OTUD7A: variants seen among roughly 807,000 people sequenced by gnomAD.
The protein encoded by OTUD7A is OTU deubiquitinase 7A, also known as OTU domain-containing protein 7A.
A neutral mutation model predicts 65.7 loss-of-function variants in OTUD7A; 12 were observed. The ratio of observed to expected loss-of-function variants is 0.18; its 90% CI spans 0.12 to 0.30. The LOEUF (loss-of-function observed/expected upper bound fraction) is 0.30. Ranked by LOEUF, OTUD7A falls within the 10% of genes least tolerant of loss-of-function variation. The pLI, the probability that OTUD7A is intolerant of heterozygous loss-of-function variation, is 1.00. For synonymous variants in OTUD7A, 641 were observed against 586.3 expected, an observed-to-expected ratio of 1.09 and a Z score of -1.35; for missense variants, 1,148 against 1,304.8, an observed-to-expected ratio of 0.88 and a Z score of 1.85.
At chr15:31,574,062 T>C (rs932728295) in intron 3 of OTUD7A, among the ~76,000 whole-genome samples, 3 of 152,064 alleles carry the variant, frequency 2.0e-5, no homozygotes, top group Non-Finnish European at 2.9e-5. Context: ...AGGAAGAAGA[T>C]AGAAGCTTGT....
intron 3 of OTUD7A, among the ~76,000 whole-genome samples, chr15:31,571,113 T>G (rs1889041401): frequency 6.6e-6 from 1 of 152,166 alleles, no homozygotes; most frequent in Non-Finnish European, 1.5e-5. Context: ...CATTATACAT[T>G]GTAGGCTGGT....
intron 5 of OTUD7A, among the ~76,000 whole-genome samples, chr15:31,548,302 C>T (rs549954131): frequency 1.9e-4 from 29 of 152,158 alleles, no homozygotes; most frequent in Non-Finnish European, 4.1e-4. Flanking sequence ...AATTGTGTAA[C>T]TCGGCTGCTG....
chr15:31,743,303 A>C (rs1440864052), intron 1 of OTUD7A, among the ~76,000 whole-genome samples: 2 of 152,208 alleles, frequency 1.3e-5, no homozygotes, highest in Non-Finnish European at 2.9e-5. Flanking sequence ...GAAAAATGAG[A>C]TATGTAAAAA....
At chr15:31,566,733 G>A (rs77159776) in intron 4 of OTUD7A, among the ~76,000 whole-genome samples, 1,693 of 152,240 alleles carry the variant, frequency 0.011, 39 homozygotes, top group African/African-American at 0.039. Flanking sequence ...CAGTTCACAC[G>A]CAATCTGGTC....
chr15:31,576,489 C>G (rs1278173466), intron 3 of OTUD7A, among the ~76,000 whole-genome samples: 1 of 152,174 alleles, frequency 6.6e-6, no homozygotes, highest in Non-Finnish European at 1.5e-5. Context: ...CTCTTATCTA[C>G]CTATGACCTG....
At chr15:31,640,524 ATGAG>A (rs1207349885) in intron 3 of OTUD7A, among the ~76,000 whole-genome samples, 1 of 152,234 alleles carries the variant, frequency 6.6e-6, no homozygotes, top group Non-Finnish European at 1.5e-5. Flanking sequence ...ATTTTTGCAT[ATGAG>A]TGAGATGTAA....
At chr15:31,622,034 G>T (rs1245389818) in intron 3 of OTUD7A, among the ~76,000 whole-genome samples, 2 of 152,092 alleles carry the variant, frequency 1.3e-5, no homozygotes, top group Non-Finnish European at 2.9e-5. Context: ...GCTTAGTTTG[G>T]CTGGATATGA....
chr15:31,752,005 A>G (rs139960348), intron 1 of OTUD7A, among the ~76,000 whole-genome samples: 20 of 152,260 alleles, frequency 1.3e-4, no homozygotes, highest in African/African-American at 4.6e-4. Flanking sequence ...CACACAATAT[A>G]CCCTTGTAAC....
At chr15:31,572,545 T>C (rs1271450146) in intron 3 of OTUD7A, among the ~76,000 whole-genome samples, 1 of 152,258 alleles carries the variant, frequency 6.6e-6, no homozygotes, top group Non-Finnish European at 1.5e-5. Context: ...TCATTTGATT[T>C]TTTTTCATTG....
At chr15:31,681,660 T>C (rs569760267) in intron 1 of OTUD7A, among the ~76,000 whole-genome samples, 13 of 152,108 alleles carry the variant, frequency 8.5e-5, no homozygotes, top group Admixed American at 7.8e-4. Context: ...TAATAATGAC[T>C]GTCTAATTTC....
intron 1 of OTUD7A, among the ~76,000 whole-genome samples, chr15:31,838,365 C>G (rs1029338058): frequency 3.3e-5 from 5 of 152,176 alleles, no homozygotes; most frequent in Non-Finnish European, 5.9e-5. Flanking sequence ...TCTACCTCAA[C>G]CACTAGCACT....
intron 1 of OTUD7A, chr15:31,766,358 T>A (rs1291153925): frequency 6.3e-7 from 1 of 1,592,578 alleles, no homozygotes; most frequent in African/African-American, 1.3e-5. Context: ...GTGGGGGAAA[T>A]AACAAACAAC....
Position 31,795,869 on chromosome 15 carries a change from C to T in OTUD7A, c.-100+74638G>A, listed in dbSNP as rs533118570. ...ATCCCTGTAGGGCAAAGAAAGACAGCACAGGAATGTAGTCACACACACCAC... is the reference window on the plus strand; with the variant it reads ...ATCCCTGTAGGGCAAAGAAAGACAGTACAGGAATGTAGTCACACACACCAC... On this transcript the variant is annotated intron_variant, in intron 1 of 12. Coordinates refer to ENST00000307050, the MANE Select transcript of OTUD7A (RefSeq NM_001382637.1). Among the ~76,000 whole-genome samples, 8 of 152,270 alleles carry T rather than the reference C, an allele frequency of 5.3e-5. 1 individual carries two copies. In the South Asian group the frequency reaches 1.0e-3, roughly 20 times the overall value.
At chr15:31,804,403 C>A (rs1896214656) in intron 1 of OTUD7A, among the ~76,000 whole-genome samples, 1 of 152,098 alleles carries the variant, frequency 6.6e-6, no homozygotes, top group African/African-American at 2.4e-5. Flanking sequence ...TTAAAGGGAC[C>A]CAGGAACCTC....
At chr15:31,667,781 T>C (rs1169676050) in intron 1 of OTUD7A, among the ~76,000 whole-genome samples, 4 of 152,306 alleles carry the variant, frequency 2.6e-5, no homozygotes, top group African/African-American at 4.8e-5. Context: ...TTTGTTTTGA[T>C]ATGTTTCTAG....
At chr15:31,617,932 G>A (rs59060191) in intron 3 of OTUD7A, among the ~76,000 whole-genome samples, 2 of 146,374 alleles carry the variant, frequency 1.4e-5, no homozygotes, top group Non-Finnish European at 3.0e-5. Flanking sequence ...TGCCCCCTCC[G>A]CCCACCCCAA....
At chr15:31,679,492 A>G (rs1170457252) in intron 1 of OTUD7A, among the ~76,000 whole-genome samples, 1 of 152,196 alleles carries the variant, frequency 6.6e-6, no homozygotes, top group African/African-American at 2.4e-5. Context: ...TCATTGGATC[A>G]TGGGGGTGGT....
chr15:31,701,340 A>C lies in OTUD7A; in HGVS notation c.-99-44263T>G, dbSNP rs1893208941. 1.3e-5 allele frequency among the ~76,000 whole-genome samples: 2 copies of C among 151,424 alleles called. 1 individual carries two copies. Among genetic ancestry groups the C allele is most frequent in the South Asian group, 4.2e-4 (2 of 4,786 alleles). On this transcript the variant is annotated intron_variant, in intron 1 of 12. Transcript: ENST00000307050. ...TTTGGAAAAACTCGGTGAAAGGTAA[A>C]TGGGAACTCTAAACTTTTTACAATT...
At chr15:31,826,199 T>C (rs775070334) in intron 1 of OTUD7A, among the ~76,000 whole-genome samples, 1 of 152,242 alleles carries the variant, frequency 6.6e-6, no homozygotes, top group African/African-American at 2.4e-5. Flanking sequence ...CTAGCAGAAG[T>C]TCTCCATGAC....
Sources: allele counts gnomAD v4.1 joint callset (sites outside exome capture counted in the v4.1 genomes callset), GRCh38; gene constraint gnomAD v4.1.1; transcripts MANE v1.5; gene names NCBI Gene and HGNC (gene_info 2026-07-23, HGNC 2026-07-21).